TAFA4: variants seen among roughly 807,000 people sequenced by gnomAD.
The protein encoded by TAFA4 is TAFA chemokine like family member 4.
In TAFA4, 20 loss-of-function variants were observed where a neutral mutation model predicts 21.1. That is an observed-to-expected ratio of 0.95 (90% confidence interval 0.67 to 1.38). The LOEUF is 1.38. Among genes scored for constraint, TAFA4 ranks in the 40% most tolerant of loss-of-function variants. The probability of loss-of-function intolerance (pLI) is 0.00; values close to 1 mark genes in which losing one functional copy is unlikely to be tolerated. For missense variants in TAFA4, 211 were observed against 180.9 expected (o/e 1.17, Z -0.95); for synonymous variants, 71 against 67.4 (o/e 1.05, Z -0.26).
chr3:68,877,127 G>A (rs1287320830), intron 3 of TAFA4, among the ~76,000 whole-genome samples: 3 of 152,080 alleles, frequency 2.0e-5, no homozygotes, highest in African/African-American at 4.8e-5. Flanking sequence ...GGGAGGCCGA[G>A]GTGGGTGGAT....
At chr3:68,897,843 C>T (rs1331719074) in intron 1 of TAFA4, among the ~76,000 whole-genome samples, 1 of 150,014 alleles carries the variant, frequency 6.7e-6, no homozygotes, top group East Asian at 2.0e-4. Context: ...AAACTCAACA[C>T]TTCCCCCTTG....
At chr3:68,872,400 A>G (rs1279700725) in intron 3 of TAFA4, among the ~76,000 whole-genome samples, 1 of 152,014 alleles carries the variant, frequency 6.6e-6, no homozygotes, top group Non-Finnish European at 1.5e-5. Flanking sequence ...AGGGGCTAGG[A>G]AGGGTTGGGA....
intron 4 of TAFA4, among the ~76,000 whole-genome samples, chr3:68,748,632 T>A (rs6763155): frequency 0.044 from 6,702 of 151,912 alleles, 375 homozygotes; most frequent in East Asian, 0.25. Flanking sequence ...TAGTCCCAGC[T>A]ACTCGGGAGA....
At chr3:68,804,199 T>C (rs1690541769) in intron 3 of TAFA4, among the ~76,000 whole-genome samples, 1 of 152,038 alleles carries the variant, frequency 6.6e-6, no homozygotes, top group Admixed American at 6.6e-5. Context: ...TAAAAGTAAA[T>C]CACCAATCCA....
At chr3:68,908,085 G>C (rs2106998526) in intron 1 of TAFA4, among the ~76,000 whole-genome samples, 1 of 152,288 alleles carries the variant, frequency 6.6e-6, no homozygotes, top group Non-Finnish European at 1.5e-5. Flanking sequence ...ATTCTGACTA[G>C]GTTTTTCATA....
chr3:68,859,187 C>T (rs768412755), intron 3 of TAFA4, among the ~76,000 whole-genome samples: 1 of 152,116 alleles, frequency 6.6e-6, no homozygotes, highest in Non-Finnish European at 1.5e-5. Flanking sequence ...TATCTGTGGG[C>T]CTACATTACC....
chr3:68,794,402 A>G (rs1703418500), intron 3 of TAFA4, among the ~76,000 whole-genome samples: 1 of 152,188 alleles, frequency 6.6e-6, no homozygotes, highest in South Asian at 2.1e-4. Context: ...ATGCTGCATT[A>G]TTACAAAGTA....
chr3:68,820,178 CA>C (rs1704081287), intron 3 of TAFA4, among the ~76,000 whole-genome samples: 1 of 152,140 alleles, frequency 6.6e-6, no homozygotes, highest in African/African-American at 2.4e-5. Context: ...TGAAGTAAGT[CA>C]GGCGCAAAAA....
chr3:68,868,084 C>T (rs2089440947), intron 3 of TAFA4, among the ~76,000 whole-genome samples: 1 of 151,866 alleles, frequency 6.6e-6, no homozygotes, highest in Non-Finnish European at 1.5e-5. Flanking sequence ...CACAACCCAA[C>T]TATAAGCTGC....
intron 3 of TAFA4, among the ~76,000 whole-genome samples, chr3:68,803,863 G>C (rs753739464): frequency 7.0e-6 from 1 of 142,248 alleles, no homozygotes; most frequent in Non-Finnish European, 1.5e-5. Context: ...GGAGGGCAGT[G>C]GTGTGATCTC....
intron 3 of TAFA4, among the ~76,000 whole-genome samples, chr3:68,832,734 C>T (rs941591583): frequency 6.6e-6 from 1 of 152,194 alleles, no homozygotes; most frequent in Non-Finnish European, 1.5e-5. Context: ...CAGGCAGTGA[C>T]GTTTAAGTCT....
At chr3:68,744,822 C>A (rs1702428028) in intron 4 of TAFA4, among the ~76,000 whole-genome samples, 2 of 152,136 alleles carry the variant, frequency 1.3e-5, no homozygotes, top group Admixed American at 1.3e-4. Context: ...AGATTATCTA[C>A]CAGGTTTTTC....
intron 5 of TAFA4, among the ~76,000 whole-genome samples, chr3:68,736,988 T>TA (rs1289663006): frequency 6.6e-6 from 1 of 152,162 alleles, no homozygotes; most frequent in East Asian, 1.9e-4. Flanking sequence ...ACAGCAAACT[T>TA]ACATTCCCAG....
chr3:68,857,777 C>T (rs1240319816), intron 3 of TAFA4, among the ~76,000 whole-genome samples: 2 of 150,382 alleles, frequency 1.3e-5, no homozygotes, highest in Non-Finnish European at 3.0e-5. Context: ...GGCTTTAGCA[C>T]TCAATAGCTT....
At chr3:68,856,444 A>C (rs1274544504) in intron 3 of TAFA4, among the ~76,000 whole-genome samples, 1 of 152,156 alleles carries the variant, frequency 6.6e-6, no homozygotes, top group African/African-American at 2.4e-5. Context: ...CAAAGATTAT[A>C]TTCCCAAACG....
At chr3:68,838,960 T>C (rs115814642) in intron 3 of TAFA4, among the ~76,000 whole-genome samples, 1,712 of 152,184 alleles carry the variant, frequency 0.011, 29 homozygotes, top group African/African-American at 0.039. Context: ...TAGCCAGGTA[T>C]GGTGAGGCGC....
chr3:68,853,160 A>C (rs906305780), intron 3 of TAFA4, among the ~76,000 whole-genome samples: 4 of 152,176 alleles, frequency 2.6e-5, no homozygotes, highest in African/African-American at 9.7e-5. Context: ...GATAGATATA[A>C]ACTTAGAGTG....
intron 4 of TAFA4, among the ~76,000 whole-genome samples, chr3:68,749,843 T>C (rs1354809103): frequency 1.3e-5 from 2 of 152,190 alleles, no homozygotes; most frequent in Non-Finnish European, 2.9e-5. Flanking sequence ...TAAATCTAAA[T>C]TTACACTAGC....
At chr3:68,850,743 T>C (rs961893862) in intron 3 of TAFA4, among the ~76,000 whole-genome samples, 4 of 152,050 alleles carry the variant, frequency 2.6e-5, no homozygotes, top group Non-Finnish European at 5.9e-5. Flanking sequence ...TTTTTTTTCT[T>C]GTATATTTAT....
Sources: allele counts gnomAD v4.1 joint callset (sites outside exome capture counted in the v4.1 genomes callset), GRCh38; gene constraint gnomAD v4.1.1; transcripts MANE v1.5; gene names NCBI Gene and HGNC (gene_info 2026-07-23, HGNC 2026-07-21).